The following PRRG1 variants were observed in gnomAD, a reference collection of about 807,000 sequenced individuals.
PRRG1 encodes transmembrane gamma-carboxyglutamic acid protein 1.
A neutral mutation model predicts 11.8 loss-of-function variants in PRRG1; 5 were observed. The ratio of observed to expected loss-of-function variants is 0.42; its 90% CI spans 0.22 to 0.89. The LOEUF (loss-of-function observed/expected upper bound fraction) is 0.89, where lower values mean the gene tolerates loss of function less well. Ranked by LOEUF, PRRG1 falls within the 40% of genes least tolerant of loss-of-function variation. The pLI is 0.28. For missense variants in PRRG1, 155 were observed against 166.1 expected (o/e 0.93, Z 0.37); for synonymous variants, 66 against 60.4 (o/e 1.09, Z -0.43).
rs1478949660 is a variant in PRRG1 at position 37,403,195 on chromosome X, G to A, written c.-41-3014G>A. On this transcript the variant is annotated intron_variant, in intron 1 of 3. Coordinates refer to ENST00000378628, the MANE Select transcript of PRRG1 (RefSeq NM_001142395.2). ...CACATGCACACGTATGTTTATTGTG[G>A]CACTATTCACAATAGCAAAGACTTG... Among the ~76,000 whole-genome samples the A allele has an allele frequency of 3.6e-4, 39 of 109,641 alleles. No individual in the cohort carries two copies. The East Asian group carries it at 0.011, about 31-fold the overall frequency.
At chrX:37,437,151 T>C (rs1932893691) in intron 3 of PRRG1, among the ~76,000 whole-genome samples, 1 of 112,380 alleles carries the variant, frequency 8.9e-6, no homozygotes, top group Non-Finnish European at 1.9e-5. Flanking sequence ...GTTTTTAAGT[T>C]AGTGGTGAAC....
intron 3 of PRRG1, among the ~76,000 whole-genome samples, chrX:37,451,439 G>C (rs1243503644): frequency 8.9e-6 from 1 of 112,533 alleles, no homozygotes; most frequent in Non-Finnish European, 1.9e-5. Context: ...TGTGTAAAAA[G>C]TCTTCATACA....
chrX:37,381,986 C>G (rs2146542779), intron 1 of PRRG1, among the ~76,000 whole-genome samples: 1 of 111,635 alleles, frequency 9.0e-6, no homozygotes, highest in Non-Finnish European at 1.9e-5. Context: ...TTGGCCCTTT[C>G]TTCTCAAGCT....
At chrX:37,447,681 C>G (rs1488649199) in intron 3 of PRRG1, among the ~76,000 whole-genome samples, 1 of 112,307 alleles carries the variant, frequency 8.9e-6, no homozygotes, top group African/African-American at 3.2e-5. Flanking sequence ...CATTAATATT[C>G]TCTTCAATAT....
rs782453094 is a variant in PRRG1 at position 37,446,896 on chromosome X, C to T, written c.172-6240C>T. On this transcript the variant is annotated intron_variant, in intron 3 of 3. Coordinates refer to ENST00000378628, the MANE Select transcript of PRRG1 (RefSeq NM_001142395.2). ...TAATCCATACCTGTGAGAACTAGTC[C>T]AGTCTCTCCAAAGCAAGAATTCACT... Among the ~76,000 whole-genome samples the T allele has an allele frequency of 8.1e-5, 9 of 111,140 alleles. No homozygotes were observed. The East Asian group carries it at 2.5e-3, about 31-fold the overall frequency.
At chrX:37,428,084 A>G (rs996753600) in intron 3 of PRRG1, among the ~76,000 whole-genome samples, 3 of 110,982 alleles carry the variant, frequency 2.7e-5, no homozygotes, top group Admixed American at 9.5e-5. Context: ...CCATAATTCA[A>G]TTACCTCCCC....
At chrX:37,392,840 G>C (rs1341044503) in intron 1 of PRRG1, among the ~76,000 whole-genome samples, 1 of 110,840 alleles carries the variant, frequency 9.0e-6, no homozygotes, top group Non-Finnish European at 1.9e-5. Flanking sequence ...CTATACTTTT[G>C]CTTGTTTAAA....
At chrX:37,415,291 C>A (rs1932464243) in intron 2 of PRRG1, among the ~76,000 whole-genome samples, 1 of 111,162 alleles carries the variant, frequency 9.0e-6, no homozygotes, top group South Asian at 3.8e-4. Flanking sequence ...CCCTGTAGTA[C>A]CAGCTGCTCA....
At chrX:37,390,280 A>G (rs898742827) in intron 1 of PRRG1, among the ~76,000 whole-genome samples, 1 of 111,582 alleles carries the variant, frequency 9.0e-6, no homozygotes, top group Non-Finnish European at 1.9e-5. Context: ...TTAGGTATTA[A>G]TTTCCAACAT....
intron 1 of PRRG1, among the ~76,000 whole-genome samples, chrX:37,358,597 G>C (rs1451100776): frequency 1.8e-5 from 2 of 111,460 alleles, no homozygotes; most frequent in Non-Finnish European, 3.8e-5. Context: ...TTTTGCCACT[G>C]TCTTTATTAC....
At chrX:37,363,251 T>C (rs1396189108) in intron 1 of PRRG1, among the ~76,000 whole-genome samples, 1 of 112,097 alleles carries the variant, frequency 8.9e-6, no homozygotes, top group Admixed American at 9.4e-5. Flanking sequence ...ATGGAGCTTT[T>C]TTTTTAGGAG....
intron 1 of PRRG1, among the ~76,000 whole-genome samples, chrX:37,357,913 G>C (rs997478436): frequency 5.3e-5 from 6 of 112,385 alleles, no homozygotes; most frequent in Admixed American, 4.7e-4. Flanking sequence ...AGCATTTGGT[G>C]TTGTCAGTGT....
chrX:37,415,709 G>A (rs1197754089), intron 2 of PRRG1, among the ~76,000 whole-genome samples: 2 of 111,423 alleles, frequency 1.8e-5, no homozygotes, highest in Non-Finnish European at 3.8e-5. Context: ...TGCTATACAC[G>A]GACATTTATC....
intron 1 of PRRG1, among the ~76,000 whole-genome samples, chrX:37,389,247 C>T (rs1556375982): frequency 8.9e-6 from 1 of 111,767 alleles, no homozygotes; most frequent in African/African-American, 3.3e-5. Flanking sequence ...TCCTTCTGAT[C>T]CCTCCACACT....
chrX:37,412,584 T>A (rs1260202026), intron 2 of PRRG1, among the ~76,000 whole-genome samples: 1 of 111,245 alleles, frequency 9.0e-6, no homozygotes, highest in Non-Finnish European at 1.9e-5. Context: ...TTAGTTTAGA[T>A]GATGTCAATA....
At chrX:37,395,335 C>T (rs1931677083) in intron 1 of PRRG1, among the ~76,000 whole-genome samples, 1 of 111,732 alleles carries the variant, frequency 8.9e-6, no homozygotes, top group Non-Finnish European at 1.9e-5. Flanking sequence ...TATATCAAGG[C>T]TGGGCACAGT....
intron 1 of PRRG1, among the ~76,000 whole-genome samples, chrX:37,372,470 A>AT (rs1378053289): frequency 9.0e-6 from 1 of 110,892 alleles, no homozygotes; most frequent in Non-Finnish European, 1.9e-5. Flanking sequence ...TGCCCAGCTA[A>AT]TTTTTTTGTA....
intron 1 of PRRG1, among the ~76,000 whole-genome samples, chrX:37,400,125 A>C (rs1452849627): frequency 2.7e-5 from 3 of 111,723 alleles, no homozygotes; most frequent in Non-Finnish European, 5.6e-5. Context: ...CTCTGCACCA[A>C]GTGGGCCTAA....
At chrX:37,363,870 A>G (rs1436732939) in intron 1 of PRRG1, among the ~76,000 whole-genome samples, 1 of 111,834 alleles carries the variant, frequency 8.9e-6, no homozygotes, top group Non-Finnish European at 1.9e-5. Flanking sequence ...TCACACTGAA[A>G]ATTCTCACAT....
Sources: allele counts gnomAD v4.1 joint callset (sites outside exome capture counted in the v4.1 genomes callset), GRCh38; gene constraint gnomAD v4.1.1; transcripts MANE v1.5; gene names NCBI Gene and HGNC (gene_info 2026-07-23, HGNC 2026-07-21).